The following ATF7 variants were observed in gnomAD, a reference collection of about 807,000 sequenced individuals.
The protein encoded by ATF7 is cyclic AMP-dependent transcription factor ATF-7.
ATF7 carries 10 observed loss-of-function variants against 50.4 expected under a neutral mutation model. The ratio of observed to expected loss-of-function variants is 0.20; its 90% CI spans 0.12 to 0.34. ATF7 has a LOEUF of 0.34. ATF7 is among the 10% of genes least tolerant of loss of function. The pLI is 1.00. For missense variants in ATF7, 465 were observed against 613.9 expected, an observed-to-expected ratio of 0.76 and a Z score of 2.56; for synonymous variants, 201 against 226.4, an observed-to-expected ratio of 0.89 and a Z score of 1.01.
chr12:53,584,493 AC>A (rs779322517), intron 2 of ATF7, among the ~76,000 whole-genome samples: 99 of 152,238 alleles, frequency 6.5e-4, no homozygotes, highest in Non-Finnish European at 1.3e-3. Context: ...CTTACCATAA[AC>A]ATAGTATTAC....
intron 2 of ATF7, among the ~76,000 whole-genome samples, chr12:53,594,030 T>C (rs529848443): frequency 2.0e-5 from 3 of 152,358 alleles, no homozygotes; most frequent in Admixed American, 6.5e-5. Flanking sequence ...GGAAGACTAT[T>C]TGATAAAAGA....
At chr12:53,582,819 C>T (rs1174509980) in intron 2 of ATF7, among the ~76,000 whole-genome samples, 1 of 152,048 alleles carries the variant, frequency 6.6e-6, no homozygotes, top group Non-Finnish European at 1.5e-5. Flanking sequence ...CTCCTGACCT[C>T]GTGATCCGCC....
At chr12:53,581,122 AT>A (rs1373715737) in intron 2 of ATF7, among the ~76,000 whole-genome samples, 10 of 151,272 alleles carry the variant, frequency 6.6e-5, no homozygotes, top group African/African-American at 1.5e-4. Flanking sequence ...AAAAAAAAAA[AT>A]AAATAAAAAA....
chr12:53,554,346 G>T (rs1940576822), intron 2 of ATF7, among the ~76,000 whole-genome samples: 1 of 151,502 alleles, frequency 6.6e-6, no homozygotes, highest in East Asian at 2.0e-4. Context: ...GGTCAGGGTG[G>T]TCTTGAACTC....
chr12:53,545,739 T>C, intron 3 of ATF7, among the ~76,000 whole-genome samples: 1 of 152,282 alleles, frequency 6.6e-6, no homozygotes, highest in East Asian at 1.9e-4. Flanking sequence ...GATAGGAATA[T>C]AGGAGTACTG....
chr12:53,617,134 C>T (rs1438506553), intron 1 of ATF7, among the ~76,000 whole-genome samples: 3 of 152,048 alleles, frequency 2.0e-5, no homozygotes, highest in Non-Finnish European at 2.9e-5. Flanking sequence ...GCAATCCTCC[C>T]GCTTCAGCCT....
intron 2 of ATF7, among the ~76,000 whole-genome samples, chr12:53,560,532 T>A (rs979841704): frequency 2.0e-5 from 3 of 152,216 alleles, no homozygotes; most frequent in African/African-American, 7.2e-5. Flanking sequence ...TAAAGCATTG[T>A]GACCAATGAA....
At chr12:53,593,894 T>C (rs1943047040) in intron 2 of ATF7, among the ~76,000 whole-genome samples, 1 of 152,182 alleles carries the variant, frequency 6.6e-6, no homozygotes, top group South Asian at 2.1e-4. Flanking sequence ...TGAATCCACA[T>C]ACAGAGAGGC....
chr12:53,613,572 G>A (rs946470506), intron 1 of ATF7, among the ~76,000 whole-genome samples: 3 of 151,966 alleles, frequency 2.0e-5, no homozygotes, highest in African/African-American at 7.3e-5. Flanking sequence ...CCAAGCTGGA[G>A]TGCAGTGGCA....
At chr12:53,559,208 A>G (rs1940933599) in intron 2 of ATF7, among the ~76,000 whole-genome samples, 1 of 150,280 alleles carries the variant, frequency 6.7e-6, no homozygotes, top group African/African-American at 2.4e-5. Context: ...AAGTCTTAAG[A>G]TTTTTTTACT....
At chr12:53,573,185 TTTTA>T (rs1477512578) in intron 2 of ATF7, among the ~76,000 whole-genome samples, 1 of 152,196 alleles carries the variant, frequency 6.6e-6, no homozygotes, top group Non-Finnish European at 1.5e-5. Flanking sequence ...AACTGTTCTA[TTTTA>T]TTATTAGTTG....
At chr12:53,557,668 C>T (rs192564943) in intron 2 of ATF7, among the ~76,000 whole-genome samples, 2 of 152,294 alleles carry the variant, frequency 1.3e-5, no homozygotes, top group African/African-American at 4.8e-5. Context: ...AAAATCAGGA[C>T]AGTTTCTCTC....
intron 2 of ATF7, among the ~76,000 whole-genome samples, chr12:53,573,896 T>C (rs1046910913): frequency 2.0e-5 from 3 of 152,104 alleles, no homozygotes; most frequent in Non-Finnish European, 2.9e-5. Context: ...ACTGGTGAAG[T>C]TTATAGTCCA....
chr12:53,594,568 G>A (rs145424306), intron 2 of ATF7, among the ~76,000 whole-genome samples: 1 of 152,288 alleles, frequency 6.6e-6, no homozygotes, highest in East Asian at 1.9e-4. Context: ...TTTAATTCCT[G>A]CTCTTAGCAT....
chr12:53,537,781 C>T (rs906055122), intron 4 of ATF7, among the ~76,000 whole-genome samples: 9 of 151,924 alleles, frequency 5.9e-5, no homozygotes, highest in African/African-American at 1.7e-4. Context: ...GGTGTGATCT[C>T]GTCTCACTGC....
chr12:53,622,974 T>C (rs937170637), intron 1 of ATF7, among the ~76,000 whole-genome samples: 1 of 152,162 alleles, frequency 6.6e-6, no homozygotes, highest in African/African-American at 2.4e-5. Context: ...TGTGATCACG[T>C]CACTTGCACT....
At chr12:53,569,215 T>TC (rs1941616728) in intron 2 of ATF7, among the ~76,000 whole-genome samples, 2 of 152,160 alleles carry the variant, frequency 1.3e-5, no homozygotes, top group Admixed American at 1.3e-4. Context: ...ACACTGCCTA[T>TC]CAGTAACACT....
chr12:53,601,120 C>T (rs973378420), intron 1 of ATF7, 99 bp from the exon 2 acceptor site: 1 of 822,940 alleles, frequency 1.2e-6, no homozygotes, highest in African/African-American at 1.7e-5. Context: ...AACAGGTGTT[C>T]CACGAATGCC....
intron 2 of ATF7, among the ~76,000 whole-genome samples, chr12:53,599,292 G>T (rs1309943711): frequency 6.6e-6 from 1 of 151,548 alleles, no homozygotes; most frequent in African/African-American, 2.4e-5. Context: ...ACCCTGCCTT[G>T]GACTCTGAAA....
Sources: allele counts gnomAD v4.1 joint callset (sites outside exome capture counted in the v4.1 genomes callset), GRCh38; gene constraint gnomAD v4.1.1; transcripts MANE v1.5; gene names NCBI Gene and HGNC (gene_info 2026-07-23, HGNC 2026-07-21).